Variants in ST3GAL3 observed in about 807,000 individuals in gnomAD.
The protein encoded by ST3GAL3 is ST3 beta-galactoside alpha-2,3-sialyltransferase 3.
ST3GAL3 carries 21 observed loss-of-function variants against 50.1 expected under a neutral mutation model. The ratio of observed to expected loss-of-function variants is 0.42; its 90% CI spans 0.30 to 0.60. The LOEUF is 0.60. Ranked by LOEUF, ST3GAL3 falls within the 20% of genes least tolerant of loss-of-function variation. ST3GAL3 has a pLI of 0.19. For missense variants in ST3GAL3, 353 were observed against 489.4 expected, an observed-to-expected ratio of 0.72 and a Z score of 2.63; for synonymous variants, 183 against 190.0, an observed-to-expected ratio of 0.96 and a Z score of 0.30.
chr1:43,898,381 A>G, intron 7 of ST3GAL3, 83 bp downstream of exon 7: 1 of 1,429,768 alleles, frequency 7.0e-7, no homozygotes, highest in East Asian at 2.3e-5. Flanking sequence ...CCTTCCCTGG[A>G]CATGGGCAGT....
At chr1:43,873,745 C>T (rs565664463) in intron 5 of ST3GAL3, among the ~76,000 whole-genome samples, 5 of 152,036 alleles carry the variant, frequency 3.3e-5, no homozygotes, top group South Asian at 2.1e-4. Context: ...GAACCAAGAT[C>T]GCACCACTGT....
intron 2 of ST3GAL3, among the ~76,000 whole-genome samples, chr1:43,740,160 G>A (rs1035529471): frequency 7.9e-5 from 12 of 151,680 alleles, no homozygotes; most frequent in African/African-American, 2.7e-4. Context: ...TCAGGAGATC[G>A]AGACCATCCT....
chr1:43,801,188 A>G (rs1187889439), intron 3 of ST3GAL3: 1 of 431,448 alleles, frequency 2.3e-6, no homozygotes, highest in East Asian at 7.1e-5. Flanking sequence ...CAAACTTTAT[A>G]TACCTCAATA....
intron 3 of ST3GAL3, among the ~76,000 whole-genome samples, chr1:43,813,901 A>ACACACGCG (rs1312051956): frequency 1.6e-5 from 1 of 63,252 alleles, no homozygotes; most frequent in African/African-American, 4.4e-5. Context: ...ACACGCACAC[A>ACACACGCG]CGCACACACA....
intron 4 of ST3GAL3, among the ~76,000 whole-genome samples, chr1:43,829,337 C>T (rs1241692688): frequency 6.6e-6 from 1 of 152,092 alleles, no homozygotes; most frequent in East Asian, 1.9e-4. Context: ...AAAACAAAAC[C>T]CCAGATACTG....
At chr1:43,878,099 G>A (rs1010862987) in intron 5 of ST3GAL3, among the ~76,000 whole-genome samples, 6 of 152,120 alleles carry the variant, frequency 3.9e-5, no homozygotes, top group African/African-American at 1.2e-4. Flanking sequence ...GGTCATATCC[G>A]TCTCTCGCCT....
chr1:43,729,092 T>TTC (rs1249755951), intron 1 of ST3GAL3, among the ~76,000 whole-genome samples: 125 of 146,164 alleles, frequency 8.6e-4, no homozygotes, highest in Middle Eastern at 6.9e-3. Context: ...TATTTTTCTT[T>TTC]TTTTTTTTTT....
intron 2 of ST3GAL3, among the ~76,000 whole-genome samples, chr1:43,779,611 A>G (rs890092276): frequency 1.3e-5 from 2 of 152,142 alleles, no homozygotes; most frequent in African/African-American, 4.8e-5. Flanking sequence ...ACTTTCTTCA[A>G]TGGAAGATGA....
chr1:43,727,574 G>A (rs1673552328), intron 1 of ST3GAL3, among the ~76,000 whole-genome samples: 1 of 152,160 alleles, frequency 6.6e-6, no homozygotes, highest in Admixed American at 6.5e-5. Flanking sequence ...AGTGAAAGTG[G>A]ATGGCTGAGT....
intron 9 of ST3GAL3, among the ~76,000 whole-genome samples, chr1:43,911,518 T>TA (rs1416379477): frequency 1.3e-5 from 2 of 151,888 alleles, no homozygotes; most frequent in African/African-American, 4.8e-5. Context: ...CATCTATAGA[T>TA]ATAGATATCT....
chr1:43,740,893 A>C (rs964417258), intron 2 of ST3GAL3, among the ~76,000 whole-genome samples: 1 of 149,912 alleles, frequency 6.7e-6, no homozygotes, highest in Non-Finnish European at 1.5e-5. Context: ...AGAGACAGAG[A>C]AAGGGAGCGA....
At chr1:43,763,454 A>G (rs1691315615) in intron 2 of ST3GAL3, among the ~76,000 whole-genome samples, 1 of 152,204 alleles carries the variant, frequency 6.6e-6, no homozygotes, top group Non-Finnish European at 1.5e-5. Flanking sequence ...TATGAGCAAT[A>G]GTTGGCATGG....
chr1:43,855,824 G>T (rs1225931352), intron 5 of ST3GAL3, among the ~76,000 whole-genome samples: 2 of 126,992 alleles, frequency 1.6e-5, no homozygotes, highest in African/African-American at 5.8e-5. Context: ...CAGAACATAG[G>T]CCACTTTACA....
chr1:43,825,482 C>T (rs1573720134), intron 4 of ST3GAL3, among the ~76,000 whole-genome samples: 1 of 152,134 alleles, frequency 6.6e-6, no homozygotes, highest in African/African-American at 2.4e-5. Flanking sequence ...ATTATATTGA[C>T]TAATTTATCT....
intron 2 of ST3GAL3, among the ~76,000 whole-genome samples, chr1:43,749,570 T>TAAAC (rs1335393418): frequency 1.3e-5 from 2 of 152,076 alleles, no homozygotes; most frequent in Non-Finnish European, 2.9e-5. Context: ...TACCCCATCT[T>TAAAC]AAACAAACAA....
intron 2 of ST3GAL3, among the ~76,000 whole-genome samples, chr1:43,777,294 A>T (rs1480021743): frequency 6.6e-6 from 1 of 152,212 alleles, no homozygotes; most frequent in Non-Finnish European, 1.5e-5. Flanking sequence ...ATTATTAAAA[A>T]TGCCTTTTTG....
chr1:43,894,262 G>C, intron 5 of ST3GAL3, 121 bp from the exon 6 acceptor site: 1 of 937,076 alleles, frequency 1.1e-6, no homozygotes, highest in Non-Finnish European at 1.7e-6. Context: ...GTGGAGGGGG[G>C]TATGCCGGAA....
At chr1:43,895,935 A>G (rs2077329855) in intron 6 of ST3GAL3, among the ~76,000 whole-genome samples, 2 of 152,198 alleles carry the variant, frequency 1.3e-5, no homozygotes, top group South Asian at 4.1e-4. Context: ...TTTTCCTCCT[A>G]GAAAACAAAG....
chr1:43,892,434 G>C (rs1459654914), intron 5 of ST3GAL3, among the ~76,000 whole-genome samples: 1 of 152,100 alleles, frequency 6.6e-6, no homozygotes, highest in Non-Finnish European at 1.5e-5. Flanking sequence ...AGTCTACAAA[G>C]CAATCTACAA....
Sources: allele counts gnomAD v4.1 joint callset (sites outside exome capture counted in the v4.1 genomes callset), GRCh38; gene constraint gnomAD v4.1.1; transcripts MANE v1.5; gene names NCBI Gene and HGNC (gene_info 2026-07-23, HGNC 2026-07-21).